The following TRAPPC9 variants were observed in gnomAD, a reference collection of about 807,000 sequenced individuals.
TRAPPC9 encodes the protein IKK2 binding protein.
A neutral mutation model predicts 124.0 loss-of-function variants in TRAPPC9; 83 were observed. The ratio of observed to expected loss-of-function variants is 0.67; its 90% CI spans 0.56 to 0.80. The LOEUF is 0.80. Ranked by LOEUF, TRAPPC9 falls within the 30% of genes least tolerant of loss-of-function variation. The probability of loss-of-function intolerance (pLI) is 0.00; values close to 1 mark genes in which losing one functional copy is unlikely to be tolerated. For missense variants in TRAPPC9, 1,302 were observed against 1,508.3 expected (o/e 0.86, Z 2.27); for synonymous variants, 638 against 617.5 (o/e 1.03, Z -0.49).
intron 7 of TRAPPC9, among the ~76,000 whole-genome samples, chr8:140,395,039 T>C (rs1235399693): frequency 6.6e-6 from 1 of 152,182 alleles, no homozygotes; most frequent in African/African-American, 2.4e-5. Context: ...ACACCTCCCC[T>C]TGGGCGCCCA....
chr8:139,938,460 A>G (rs1833686027), intron 19 of TRAPPC9, among the ~76,000 whole-genome samples: 1 of 150,898 alleles, frequency 6.6e-6, no homozygotes, highest in Admixed American at 6.6e-5. Context: ...AATATTTTGT[A>G]TTTTTTAGTA....
intron 18 of TRAPPC9, among the ~76,000 whole-genome samples, chr8:140,011,063 G>A (rs943706318): frequency 6.6e-6 from 1 of 152,072 alleles, no homozygotes; most frequent in African/African-American, 2.4e-5. Context: ...TAACAGGCAG[G>A]GCATGGTGGC....
intron 17 of TRAPPC9, among the ~76,000 whole-genome samples, chr8:140,037,237 C>T (rs967116763): frequency 6.6e-6 from 1 of 152,074 alleles, no homozygotes; most frequent in Non-Finnish European, 1.5e-5. Context: ...TCTCTTCAGG[C>T]AGCAGCTTTC....
At chr8:139,800,585 C>T (rs1019385846) in intron 21 of TRAPPC9, among the ~76,000 whole-genome samples, 2 of 152,190 alleles carry the variant, frequency 1.3e-5, no homozygotes, top group Admixed American at 6.5e-5. Context: ...GTTCCCGAGG[C>T]GGCCACTACC....
At chr8:139,751,903 C>T (rs918335991) in intron 21 of TRAPPC9, among the ~76,000 whole-genome samples, 1 of 145,404 alleles carries the variant, frequency 6.9e-6, no homozygotes, top group Non-Finnish European at 1.5e-5. Flanking sequence ...TCCATCAATC[C>T]ACCATCCATC....
At chr8:139,942,718 C>T (rs1833989418) in intron 19 of TRAPPC9, among the ~76,000 whole-genome samples, 1 of 152,136 alleles carries the variant, frequency 6.6e-6, no homozygotes, top group Admixed American at 6.5e-5. Context: ...AGAGAACAGA[C>T]ACCCGGAAGA....
At chr8:140,341,222 T>C (rs1563958651) in intron 9 of TRAPPC9, among the ~76,000 whole-genome samples, 1 of 152,206 alleles carries the variant, frequency 6.6e-6, no homozygotes, top group Non-Finnish European at 1.5e-5. Context: ...AAAATTAATG[T>C]GTAGGCCCTG....
Position 140,110,308 on chromosome 8 carries a change from A to ACAGCAGCTCCCTCCTG in TRAPPC9, c.2557-86245_2557-86230dup, listed in dbSNP as rs36227269. ...TGCTCCCCCTGCAGCAGCTCCCCCT[A>ACAGCAGCTCCCTCCTG]CAGCAGCTCCCTCCTGCAGCAGCTC... On this transcript the variant is annotated intron_variant, in intron 17 of 22. Transcript: ENST00000438773. Among the ~76,000 whole-genome samples, 19 of 13,842 alleles carry ACAGCAGCTCCCTCCTG rather than the reference A, an allele frequency of 1.4e-3. 1 individual carries two copies. The highest frequency in any genetic ancestry group is 0.011 in the South Asian group (3 of 268). 9.1% of individuals were successfully genotyped at this position (13,842 alleles called of 152,430 possible).
intron 9 of TRAPPC9, among the ~76,000 whole-genome samples, chr8:140,352,521 G>A (rs1019503038): frequency 2.6e-5 from 4 of 152,252 alleles, no homozygotes; most frequent in South Asian, 2.1e-4. Flanking sequence ...TTTCAAGGGC[G>A]AGGTGGAGAG....
chr8:139,756,396 G>A (rs1819781387), intron 21 of TRAPPC9, among the ~76,000 whole-genome samples: 1 of 135,156 alleles, frequency 7.4e-6, no homozygotes, highest in Non-Finnish European at 1.6e-5. Flanking sequence ...CCAGGGTTGG[G>A]GTATAAGGAC....
intron 21 of TRAPPC9, among the ~76,000 whole-genome samples, chr8:139,765,796 C>T (rs925230777): frequency 1.3e-5 from 2 of 152,148 alleles, no homozygotes; most frequent in African/African-American, 2.4e-5. Context: ...AGTCTGCCTC[C>T]GAGGTATAAC....
intron 16 of TRAPPC9, among the ~76,000 whole-genome samples, chr8:140,223,388 G>A (rs978537884): frequency 3.3e-5 from 5 of 152,302 alleles, no homozygotes; most frequent in African/African-American, 7.2e-5. Context: ...CCTAGGCATC[G>A]TACCACACAT....
At chr8:139,987,702 G>A (rs1005689424) in intron 19 of TRAPPC9, among the ~76,000 whole-genome samples, 1 of 152,194 alleles carries the variant, frequency 6.6e-6, no homozygotes, top group Non-Finnish European at 1.5e-5. Flanking sequence ...GTAAGTGTGT[G>A]TCCCTAGAAC....
At position 139,946,897 on chromosome 8, in the gene TRAPPC9, G is replaced by C. The variant is rs533034624; in HGVS notation, c.2811-36597C>G. Among the ~76,000 whole-genome samples the C allele has an allele frequency of 3.9e-5, 6 of 152,210 alleles. No individual in the cohort carries two copies. The South Asian group carries it at 1.2e-3, about 32-fold the overall frequency. The stretch of plus-strand genomic sequence containing the variant: ...AGCTACTCGGGAGGCTGAGGCAGGA[G>C]AATCGCTTGAACCCAGGAGGCAGAG... On this transcript the variant is annotated intron_variant, in intron 19 of 22. Transcript: ENST00000438773.
chr8:140,249,991 C>T (rs4236870), intron 16 of TRAPPC9, among the ~76,000 whole-genome samples: 32,772 of 151,956 alleles, frequency 0.22, 3,805 homozygotes, highest in African/African-American at 0.29. Flanking sequence ...TTATCATACT[C>T]GATATATTTG....
intron 16 of TRAPPC9, among the ~76,000 whole-genome samples, chr8:140,248,721 G>GTAT (rs1432660497): frequency 6.6e-6 from 1 of 152,152 alleles, no homozygotes; most frequent in Non-Finnish European, 1.5e-5. Context: ...GAGATTTCAA[G>GTAT]TATTATAAGG....
intron 20 of TRAPPC9, among the ~76,000 whole-genome samples, chr8:139,891,086 T>G (rs929056870): frequency 6.6e-6 from 1 of 152,158 alleles, no homozygotes; most frequent in Non-Finnish European, 1.5e-5. Context: ...AGGAGTTGCT[T>G]AGTATTAAGA....
At position 140,346,196 on chromosome 8, in the gene TRAPPC9, G is replaced by A. The variant is rs76198324; in HGVS notation, c.1495+13854C>T. Among the ~76,000 whole-genome samples the A allele has an allele frequency of 4.5e-4, 69 of 152,316 alleles. No individual in the cohort carries two copies. The East Asian group carries it at 0.013, about 29-fold the overall frequency. On this transcript the variant is annotated intron_variant, in intron 9 of 22. Coordinates refer to ENST00000438773, the MANE Select transcript of TRAPPC9 (RefSeq NM_001160372.4). The stretch of plus-strand genomic sequence containing the variant: ...ACGTGAAACTGCCTGGAGTGCATCG[G>A]CTGGGGAGGGTGAGGGTGTGGGAAG...
chr8:140,219,952 T>A lies in TRAPPC9; in HGVS notation c.2556+1507A>T, dbSNP rs150880748. Among the ~76,000 whole-genome samples the A allele has an allele frequency of 5.9e-3, 902 of 152,324 alleles. 9 individuals carry two copies. The highest frequency in any genetic ancestry group is 0.021 in the African/African-American group (860 of 41,568). ...CATCGGGGAATGGTGGAAGGCCTGC[T>A]GAACTGAAGCATTTCAGCACAACCT... On this transcript the variant is annotated intron_variant, in intron 17 of 22. Transcript: ENST00000438773.
Sources: allele counts gnomAD v4.1 joint callset (sites outside exome capture counted in the v4.1 genomes callset), GRCh38; gene constraint gnomAD v4.1.1; transcripts MANE v1.5; gene names NCBI Gene and HGNC (gene_info 2026-07-23, HGNC 2026-07-21).